The following IGFN1 variants were observed in gnomAD, a reference collection of about 807,000 sequenced individuals.
IGFN1 encodes immunoglobulin-like and fibronectin type III domain-containing protein 1.
IGFN1 carries 253 observed loss-of-function variants against 289.5 expected under a neutral mutation model. The observed-to-expected ratio is 0.87, with a 90% CI of 0.79 to 0.97. The LOEUF is 0.97. Among genes scored for constraint, IGFN1 ranks in the 50% least tolerant of loss-of-function variants. The pLI, the probability that IGFN1 is intolerant of heterozygous loss-of-function variation, is 0.00. For missense variants in IGFN1, 4,470 were observed against 4,686.1 expected (o/e 0.95, Z 1.35); for synonymous variants, 1,706 against 1,788.5 (o/e 0.95, Z 1.16).
At position 201,228,719 on chromosome 1, in the gene IGFN1, G is replaced by A. The variant is rs1043385276; in HGVS notation, c.*320G>A. On this transcript the variant is annotated 3_prime_UTR_variant, in exon 24 of 24. Coordinates refer to ENST00000335211, the MANE Select transcript of IGFN1 (RefSeq NM_001164586.2). ...AGGGCACCTGCCTGCAGGATGGGCCGGCTCCTTATTTTCCTGGGCTGAGCC... is the reference window on the plus strand; with the variant it reads ...AGGGCACCTGCCTGCAGGATGGGCCAGCTCCTTATTTTCCTGGGCTGAGCC... 11 of 404,702 alleles carry A rather than the reference G, an allele frequency of 2.7e-5. No homozygotes were observed. Among genetic ancestry groups the A allele is most frequent in the African/African-American group, 1.0e-4 (5 of 48,468 alleles). The allele number at this position is 404,702 out of a possible 1,614,324, so 25.1% of individuals were successfully genotyped here.
At chr1:201,228,210 C>A (rs1437192972) in intron 23 of IGFN1, among the ~76,000 whole-genome samples, 176 bp from the exon 24 acceptor site, 3 of 152,196 alleles carry the variant, frequency 2.0e-5, no homozygotes, top group African/African-American at 4.8e-5. Context: ...CCCGAGGGGC[C>A]AGCAAAGGGC....
Position 201,211,612 on chromosome 1 carries a change from G to T in IGFN1, c.6719G>T (p.Gly2240Val), listed in dbSNP as rs150011214. Residue 2240 changes from glycine to valine, a missense_variant, in exon 12 of 24, where the codon GGG (glycine) becomes GTG (valine). This residue lies in a region of IGFN1 where 2,218 missense variants were observed against 2,114.1 expected (regional missense o/e 1.05). Transcript: ENST00000335211. ...AGFRDGLGSS[G>V]EMGSMDEADY... ...TTCAGGGATGGTTTAGGGAGTTCTG[G>T]GGAAATGGGGTCAATGGATGAGGCA... 38 of 1,535,072 alleles carry T rather than the reference G, an allele frequency of 2.5e-5. No homozygotes were observed. The African/African-American group carries it at 5.0e-4, about 20-fold the overall frequency.
rs2102368877 is a variant in IGFN1 at position 201,222,743 on chromosome 1, T to C, written c.10206T>C (p.Cys3402=). 6.2e-7 allele frequency: 1 copy of C among 1,612,544 alleles called. No homozygotes were observed. Among genetic ancestry groups the C allele is most frequent in the East Asian group, 2.2e-5 (1 of 44,836 alleles). Residue 3402 remains cysteine, a synonymous_variant, in exon 20 of 24, where the codon TGT becomes TGC. Transcript: ENST00000335211. ...CAGTCCTCTTGTGCGTTTCAGTCTG[T>C]CCCAAGTTCCTCGTGGACTCCAGCA... The part of the protein sequence containing the change: ...TLVQAMPVTV[C]PKFLVDSSTK...
rs541310272 is a variant in IGFN1 at position 201,196,080 on chromosome 1, C to T, written c.267+102C>T. On this transcript the variant is annotated intron_variant, in intron 4 of 23. Coordinates refer to ENST00000335211, the MANE Select transcript of IGFN1 (RefSeq NM_001164586.2). ...CCAATCCCTAGAGGAGTAAGACATA[C>T]TCCTCGTTGAGGTTGAATCCATTCA... is the stretch of plus-strand genomic sequence containing the variant. 4.9e-4 allele frequency: 584 copies of T among 1,188,608 alleles called. 1 individual carries two copies. The highest frequency in any genetic ancestry group is 7.3e-4 in the Admixed American group (27 of 36,902). 73.6% of individuals were successfully genotyped at this position (1,188,608 alleles called of 1,614,324 possible). A position where few individuals can be genotyped will look rare whatever the true frequency, so the allele number is the denominator to read the frequency against.
In IGFN1 at chr1:201,206,456, G is replaced by T; in HGVS notation, c.1563G>T (p.Arg521Ser). Residue 521 changes from arginine to serine, a missense_variant, in exon 12 of 24, where the codon AGG (arginine) becomes AGT (serine). By Grantham distance (110) the Arg-to-Ser change is moderately radical. This residue lies in a region of IGFN1 where 2,011 missense variants were observed against 1,953.4 expected (regional missense o/e 1.03). Coordinates refer to ENST00000335211, the MANE Select transcript of IGFN1 (RefSeq NM_001164586.2). Reference sequence around the variant, plus strand: ...GCTGGGCCAGAAGCCTTGCAGAGAGGCCCCATCTACAGGGAGAGAGCTCAG... The same window carrying T: ...GCTGGGCCAGAAGCCTTGCAGAGAGTCCCCATCTACAGGGAGAGAGCTCAG... The part of the protein sequence containing the change: ...EGGWARSLAE[R>S]PHLQGESSES... The T allele has an allele frequency of 6.4e-7, 1 of 1,551,308 alleles. No homozygotes were observed. The highest frequency in any genetic ancestry group is 8.7e-7 in the Non-Finnish European group (1 of 1,146,980).
chr1:201,221,733 C>T lies in IGFN1; in HGVS notation c.10188C>T (p.Ala3396=). 3 of 1,590,760 alleles carry T rather than the reference C, an allele frequency of 1.9e-6. No homozygotes were observed. Among genetic ancestry groups the T allele is most frequent in the Non-Finnish European group, 2.6e-6 (3 of 1,165,976 alleles). ...GTGCCCTGGACACATTAGTGCAAGC[C>T]ATGCCTGTTACTGGTGAGTGCTGCC... ...QPSALDTLVQ[A]MPVTVCPKFL... is the part of the protein sequence containing the mutation. Residue 3396 remains alanine, a synonymous_variant, in exon 19 of 24, where the codon GCC becomes GCT. Transcript: ENST00000335211.
In IGFN1 at chr1:201,207,660, T is replaced by C. The variant is rs1031489343; in HGVS notation, c.2767T>C (p.Phe923Leu). 2 of 1,536,926 alleles carry C rather than the reference T, an allele frequency of 1.3e-6. No individual in the cohort carries two copies. The highest frequency in any genetic ancestry group is 1.4e-5 in the African/African-American group (1 of 72,996). ...GPGSIGSEPD[F>L]WNGSGSSRVK... ...TGGGTCAATAGGGTCTGAACCAGAT[T>C]TCTGGAATGGGTCAGGGAGCTCCAG... Residue 923 changes from phenylalanine (F) to leucine (L), a missense_variant, in exon 12 of 24, where the codon TTC (phenylalanine) becomes CTC (leucine). Around this residue, in one of 8 missense-constraint regions of IGFN1, gnomAD observed 2,011 missense variants for 1,953.4 expected, o/e 1.03. Transcript: ENST00000335211.
chr1:201,206,041 A>C, intron 11 of IGFN1, 42 bp from the exon 12 acceptor site: 2 of 1,332,878 alleles, frequency 1.5e-6, no homozygotes, highest in Non-Finnish European at 2.1e-6. Context: ...TTGTCTCTCC[A>C]TGTGGGCACT....
rs746795148 is a variant in IGFN1, at chr1:201,216,701, A to AGAGGG, written c.9545_9549dup (p.Ala3184ArgfsTer38). 2.4e-5 allele frequency: 39 copies of AGAGGG among 1,613,390 alleles called. 2 individuals are homozygous for AGAGGG. The highest frequency in any genetic ancestry group is 1.4e-5 in the Non-Finnish European group (17 of 1,179,816). On this transcript the variant is annotated frameshift_variant, in exon 16 of 24. Transcript: ENST00000335211. LOFTEE classifies it high-confidence loss of function. ...CCTTCCGAGTGCGGGCTGTGACCTCAGAGGGGGCTGGCGAGGCCCTGGAGT... is the reference window on the plus strand; with the variant it reads ...CCTTCCGAGTGCGGGCTGTGACCTCAGAGGGGAGGGGGCTGGCGAGGCCCTGGAGT...
Position 201,228,521 on chromosome 1 carries a change from G to A in IGFN1, c.*122G>A. On this transcript the variant is annotated 3_prime_UTR_variant, in exon 24 of 24. Coordinates refer to ENST00000335211, the MANE Select transcript of IGFN1 (RefSeq NM_001164586.2). ...CAGAGCCCCAGGAAAATGGGAGTGA[G>A]AAGATGCCTGGCGAGGTTTTGGCCA... The A allele has an allele frequency of 1.8e-6, 2 of 1,092,348 alleles. No homozygotes were observed. Among genetic ancestry groups the A allele is most frequent in the Non-Finnish European group, 2.8e-6 (2 of 708,084 alleles). The allele number at this position is 1,092,348 out of a possible 1,614,324, so 67.7% of individuals were successfully genotyped here. A position where few individuals can be genotyped will look rare whatever the true frequency, so the allele number is the denominator to read the frequency against.
rs1322721755 is a variant in IGFN1 at position 201,214,317 on chromosome 1, A to G, written c.8853+16A>G. The G allele has an allele frequency of 1.3e-6, 2 of 1,594,550 alleles. No individual in the cohort carries two copies. Among genetic ancestry groups the G allele is most frequent in the Non-Finnish European group, 1.7e-6 (2 of 1,165,538 alleles). On this transcript the variant is annotated intron_variant, in intron 13 of 23. Coordinates refer to ENST00000335211, the MANE Select transcript of IGFN1 (RefSeq NM_001164586.2). ...TGGCGTCAAGGTACTGCCTCCCCTC[A>G]CACCTTCTCTTTACCAGTGGGAGGG...
intron 12 of IGFN1, 127 bp downstream of exon 12, chr1:201,213,748 C>T: frequency 1.3e-6 from 1 of 757,026 alleles, no homozygotes; most frequent in South Asian, 1.8e-5. Flanking sequence ...GCCAGTGCTC[C>T]CCATTCTCAG....
Position 201,200,396 on chromosome 1 carries a change from G to T in IGFN1, c.618G>T (p.Glu206Asp). 1 of 1,551,620 alleles carries T rather than the reference G, an allele frequency of 6.4e-7. No homozygotes were observed. Among genetic ancestry groups the T allele is most frequent in the Non-Finnish European group, 8.7e-7 (1 of 1,146,932 alleles). ...RRLQEMKKEQ[E>D]DKMAQYINTI... ...TGCAGGAGATGAAGAAGGAACAGGA[G>T]GACAAGATGGCACAGGTGCCTCACC... Residue 206 changes from glutamate to aspartate, a missense_variant, in exon 8 of 24, where the codon GAG becomes GAT. By Grantham distance (45) the Glu-to-Asp change is conservative. Transcript: ENST00000335211.
At chr1:201,201,040 C>A (rs1212434826) in intron 8 of IGFN1, among the ~76,000 whole-genome samples, 1 of 152,006 alleles carries the variant, frequency 6.6e-6, no homozygotes, top group Non-Finnish European at 1.5e-5. Flanking sequence ...ACCGTGTTAG[C>A]CAGGATGATC....
At chr1:201,205,641 G>A (rs1667380474) in intron 11 of IGFN1, among the ~76,000 whole-genome samples, 3 of 152,170 alleles carry the variant, frequency 2.0e-5, no homozygotes, top group Non-Finnish European at 4.4e-5. Context: ...AGAAGCCCCT[G>A]CACCAGACCA....
rs1419498859 is a variant in IGFN1 at position 201,206,575 on chromosome 1, C to T, written c.1682C>T (p.Ala561Val). Residue 561 changes from alanine to valine, a missense_variant, in exon 12 of 24, where the codon GCT (alanine) becomes GTT (valine). Physicochemically the swap from Ala to Val is moderately conservative, Grantham distance 64. Around this residue, in one of 8 missense-constraint regions of IGFN1, gnomAD observed 2,011 missense variants for 1,953.4 expected, o/e 1.03. Transcript: ENST00000335211. ...TGGAGGAAAGCAGGAGGCTGGGAGG[C>T]TGGGTCCAGTCGGCTTCAGGCTGGA... ...ECWRKAGGWE[A>V]GSSRLQAGGL... 2 of 1,549,722 alleles carry T rather than the reference C, an allele frequency of 1.3e-6. No homozygotes were observed. The highest frequency in any genetic ancestry group is 2.7e-5 in the African/African-American group (2 of 73,006).
rs893835216 is a variant in IGFN1 at position 201,227,120 on chromosome 1, C to T, written c.11025C>T (p.Ser3675=). ...LLGVCSLTIP[S]VSPKDSGEYK... is the part of the protein sequence containing the mutation. ...GCGTGTGCTCCCTCACCATCCCCAG[C>T]GTATCCCCGAAGGACAGCGGGGAGT... is the stretch of plus-strand genomic sequence containing the variant. The change falls in exon 23 of 24, where the codon AGC becomes AGT. Residue 3675 remains serine, a synonymous_variant. Transcript: ENST00000335211. 11 of 1,613,534 alleles carry T rather than the reference C, an allele frequency of 6.8e-6. No homozygotes were observed. Among genetic ancestry groups the T allele is most frequent in the South Asian group, 1.1e-5 (1 of 91,078 alleles).
Position 201,212,652 on chromosome 1 carries a change from G to A in IGFN1, c.7759G>A (p.Val2587Ile). The A allele has an allele frequency of 2.6e-6, 4 of 1,541,448 alleles. No homozygotes were observed. The highest frequency in any genetic ancestry group is 3.5e-6 in the Non-Finnish European group (4 of 1,141,238). Residue 2587 changes from valine to isoleucine, a missense_variant, in exon 12 of 24, where the codon GTA (valine) becomes ATA (isoleucine). By Grantham distance (29) the Val-to-Ile change is conservative. Coordinates refer to ENST00000335211, the MANE Select transcript of IGFN1 (RefSeq NM_001164586.2). ...GGACTCACTTTTGGGAGGCAGAAGG[G>A]TAGGCTCAGGGAGTTCAGTGGGGAC... ...GGDSLLGGRRVGSGSSVGTGQ... is the reference protein window; with the variant it reads ...GGDSLLGGRRIGSGSSVGTGQ...
At chr1:201,202,050 C>A (rs1306292165) in intron 9 of IGFN1, among the ~76,000 whole-genome samples, 1 of 152,194 alleles carries the variant, frequency 6.6e-6, no homozygotes, top group Admixed American at 6.5e-5. Context: ...AGCAACTGGG[C>A]TCTCCAGCTG....
Sources: gnomAD v4.1 joint callset for allele counts (sites outside exome capture counted in the v4.1 genomes callset) on GRCh38, gnomAD v4.1.1 for gene constraint, gnomAD v4.1.1 regional missense constraint, MANE v1.5 for transcripts, NCBI Gene and HGNC (gene_info 2026-07-23, HGNC 2026-07-21) for gene names.